The following ENOX1 variants were observed in gnomAD, a reference collection of about 807,000 sequenced individuals.
ENOX1 encodes the protein candidate growth-related and time keeping constitutive hydroquinone (NADH) oxidase.
In ENOX1, 42 loss-of-function variants were observed where a neutral mutation model predicts 82.5. The ratio of observed to expected loss-of-function variants is 0.51; its 90% CI spans 0.40 to 0.66. The LOEUF is 0.66. Among genes scored for constraint, ENOX1 ranks in the 30% least tolerant of loss-of-function variants. The probability of loss-of-function intolerance (pLI) is 0.00; values close to 1 mark genes in which losing one functional copy is unlikely to be tolerated. For synonymous variants in ENOX1, 271 were observed against 282.2 expected, an observed-to-expected ratio of 0.96 and a Z score of 0.40; for missense variants, 608 against 811.6, an observed-to-expected ratio of 0.75 and a Z score of 3.05.
chr13:43,712,924 C>A (rs1478946821), intron 1 of ENOX1, among the ~76,000 whole-genome samples: 6 of 152,034 alleles, frequency 3.9e-5, no homozygotes, highest in Non-Finnish European at 8.8e-5. Flanking sequence ...TGCCTAACTG[C>A]CCTGGCCAGA....
intron 2 of ENOX1, among the ~76,000 whole-genome samples, chr13:43,574,761 A>G (rs867961672): frequency 6.6e-6 from 1 of 152,228 alleles, no homozygotes. Context: ...CTGGTTTCCT[A>G]CAAACATACT....
intron 2 of ENOX1, among the ~76,000 whole-genome samples, chr13:43,570,463 A>C (rs2080128368): frequency 6.6e-6 from 1 of 152,206 alleles, no homozygotes; most frequent in African/African-American, 2.4e-5. Flanking sequence ...GGGAAGAATG[A>C]TAAGGAAGAA....
chr13:43,441,208 C>A (rs747954710), intron 3 of ENOX1, among the ~76,000 whole-genome samples: 3 of 152,056 alleles, frequency 2.0e-5, no homozygotes, highest in Non-Finnish European at 2.9e-5. Context: ...TTGCATCCAG[C>A]GTATTAACTA....
At chr13:43,513,590 A>C (rs76906023) in intron 2 of ENOX1, among the ~76,000 whole-genome samples, 5,247 of 152,232 alleles carry the variant, frequency 0.034, 303 homozygotes, top group African/African-American at 0.12. Context: ...AACCCAGTGA[A>C]TCATCTGTAA....
At chr13:43,517,452 C>A (rs771705172) in intron 2 of ENOX1, among the ~76,000 whole-genome samples, 2 of 152,064 alleles carry the variant, frequency 1.3e-5, no homozygotes, top group African/African-American at 2.4e-5. Flanking sequence ...GAGCCCAGAT[C>A]GCGCCATTGC....
At chr13:43,642,012 C>T (rs1296818583) in intron 2 of ENOX1, among the ~76,000 whole-genome samples, 2 of 152,088 alleles carry the variant, frequency 1.3e-5, no homozygotes, top group African/African-American at 2.4e-5. Context: ...TTGTAAGGTG[C>T]TTTTCATCAT....
intron 2 of ENOX1, among the ~76,000 whole-genome samples, chr13:43,541,173 G>GTGTTTTTTTT (rs1555317901): frequency 3.1e-5 from 2 of 64,574 alleles, no homozygotes; most frequent in African/African-American, 9.9e-5. Flanking sequence ...TCTTCCCTCT[G>GTGTTTTTTTT]TTTTTTTTTT....
chr13:43,734,464 C>T (rs2089507787), intron 1 of ENOX1, among the ~76,000 whole-genome samples: 1 of 152,204 alleles, frequency 6.6e-6, no homozygotes, highest in Non-Finnish European at 1.5e-5. Context: ...AAAAGTGTTA[C>T]TCCAATTCAC....
chr13:43,599,442 C>A (rs748784279), intron 2 of ENOX1, among the ~76,000 whole-genome samples: 29 of 152,018 alleles, frequency 1.9e-4, no homozygotes, highest in Admixed American at 1.2e-3. Flanking sequence ...CAACACTAGG[C>A]AGAACTCAAC....
chr13:43,261,990 A>T (rs1035923896), intron 14 of ENOX1, among the ~76,000 whole-genome samples: 7 of 148,822 alleles, frequency 4.7e-5, no homozygotes, highest in African/African-American at 1.7e-4. Context: ...AAAGTATAAT[A>T]AAAAAAAAAT....
chr13:43,234,950 G>C (rs2042458014), intron 15 of ENOX1, among the ~76,000 whole-genome samples: 1 of 152,030 alleles, frequency 6.6e-6, no homozygotes, highest in South Asian at 2.1e-4. Context: ...AATAGAGACT[G>C]GTTCCCATTT....
intron 2 of ENOX1, among the ~76,000 whole-genome samples, chr13:43,616,130 C>CTATATATAGATATCTATATATAGA (rs1566640959): frequency 2.2e-5 from 1 of 45,688 alleles, no homozygotes; most frequent in African/African-American, 8.7e-5. Flanking sequence ...CTATAGATAT[C>CTATATATAGATATCTATATATAGA]TATCTATCTA....
intron 11 of ENOX1, chr13:43,320,966 C>G (rs905719603): frequency 2.4e-6 from 1 of 417,754 alleles, no homozygotes; most frequent in Non-Finnish European, 4.8e-6. Context: ...AAGAGTAAAG[C>G]AGTCCTGAGG....
intron 3 of ENOX1, among the ~76,000 whole-genome samples, chr13:43,431,878 A>G (rs891285606): frequency 1.3e-5 from 2 of 152,114 alleles, no homozygotes; most frequent in Admixed American, 1.3e-4. Context: ...AAACCAACCA[A>G]TCCAGATCCC....
chr13:43,305,466 T>A (rs1270669357), intron 11 of ENOX1, among the ~76,000 whole-genome samples: 1 of 152,072 alleles, frequency 6.6e-6, no homozygotes, highest in Non-Finnish European at 1.5e-5. Flanking sequence ...GCCAGCGGAA[T>A]AAGGGTAATT....
intron 2 of ENOX1, among the ~76,000 whole-genome samples, chr13:43,516,086 G>A (rs575021183): frequency 6.6e-6 from 1 of 152,270 alleles, no homozygotes; most frequent in South Asian, 2.1e-4. Flanking sequence ...GTATCTAGCA[G>A]TCAGCGGGAA....
chr13:43,638,767 G>A (rs1441178339), intron 2 of ENOX1, among the ~76,000 whole-genome samples: 6 of 152,134 alleles, frequency 3.9e-5, no homozygotes, highest in Non-Finnish European at 5.9e-5. Flanking sequence ...TTTAGACTGT[G>A]ATGAAATAAC....
intron 1 of ENOX1, among the ~76,000 whole-genome samples, chr13:43,711,122 A>G (rs2087675647): frequency 8.1e-6 from 1 of 123,568 alleles, no homozygotes; most frequent in Non-Finnish European, 1.6e-5. Flanking sequence ...TCCTGTGTCC[A>G]TGTGTTCTCA....
intron 2 of ENOX1, among the ~76,000 whole-genome samples, chr13:43,643,785 A>C (rs2083771365): frequency 6.6e-6 from 1 of 152,130 alleles, no homozygotes; most frequent in Non-Finnish European, 1.5e-5. Flanking sequence ...TACCAAGAGA[A>C]GGCATTTATC....
Sources: allele counts gnomAD v4.1 joint callset (sites outside exome capture counted in the v4.1 genomes callset), GRCh38; gene constraint gnomAD v4.1.1; transcripts MANE v1.5; gene names NCBI Gene and HGNC (gene_info 2026-07-23, HGNC 2026-07-21).